The following TUSC3 variants were observed in gnomAD, a reference collection of about 807,000 sequenced individuals.
TUSC3 encodes dolichyl-diphosphooligosaccharide--protein glycosyltransferase subunit TUSC3.
In TUSC3, 45 loss-of-function variants were observed where a neutral mutation model predicts 44.8. The observed-to-expected ratio is 1.00, with a 90% confidence interval of 0.79 to 1.29. The LOEUF (loss-of-function observed/expected upper bound fraction) is 1.29, where lower values mean the gene tolerates loss of function less well. Among genes scored for constraint, TUSC3 ranks in the 50% most tolerant of loss-of-function variants. The probability of loss-of-function intolerance (pLI) is 0.00; values close to 1 mark genes in which losing one functional copy is unlikely to be tolerated. For missense variants in TUSC3, 519 were observed against 437.9 expected (o/e 1.19, Z -1.65); for synonymous variants, 212 against 152.9 (o/e 1.39, Z -2.85).
the TUSC3 span, among the ~76,000 whole-genome samples, chr8:15,830,263 C>T: frequency 3.3e-5 from 5 of 151,962 alleles, no homozygotes; most frequent in African/African-American, 1.2e-4. Flanking sequence ...TTCTGTTGAT[C>T]ATTTCTTTGC....
intron 1 of TUSC3, among the ~76,000 whole-genome samples, chr8:15,482,224 C>G (rs1240104084): frequency 4.6e-5 from 7 of 152,178 alleles, no homozygotes; most frequent in African/African-American, 1.4e-4. Context: ...CTTGCTATTT[C>G]CACCACAATT....
chr8:15,690,659 C>T (rs1288043815), intron 6 of TUSC3, among the ~76,000 whole-genome samples: 1 of 152,080 alleles, frequency 6.6e-6, no homozygotes, highest in East Asian at 1.9e-4. Flanking sequence ...TTTCATCCAT[C>T]TTGAGTTGAT....
chr8:15,796,451 T>G, the TUSC3 span, among the ~76,000 whole-genome samples: 3 of 152,258 alleles, frequency 2.0e-5, no homozygotes, highest in East Asian at 5.8e-4. Context: ...GTAACAAAGT[T>G]CACCAAGGAC....
chr8:15,474,763 T>C lies in TUSC3; in HGVS notation n.92-8623T>C, dbSNP rs1384559773. ...GAATACATTACAAAAATAAGTGAAA[T>C]AGCCAGGAAATATTGAAAGTTTAGA... is the stretch of plus-strand genomic sequence containing the variant. On this transcript the variant is annotated intron_variant and non_coding_transcript_variant, in intron 1 of 5. Transcript: ENST00000503191. Among the ~76,000 whole-genome samples the C allele has an allele frequency of 2.0e-5, 3 of 152,120 alleles. No individual in the cohort carries two copies. In the East Asian group the frequency reaches 5.8e-4, roughly 29 times the overall value.
chr8:15,540,176 C>G (rs1585082105), upstream of TUSC3: 7 of 452,012 alleles, frequency 1.5e-5, no homozygotes, highest in Non-Finnish European at 2.6e-5. Flanking sequence ...CGCCGCGCCC[C>G]CGAAGCCTGG....
intron 6 of TUSC3, among the ~76,000 whole-genome samples, chr8:15,689,840 G>T (rs1474015928): frequency 3.2e-5 from 2 of 61,786 alleles, no homozygotes; most frequent in Non-Finnish European, 6.4e-5. Flanking sequence ...GTGTGTGTGT[G>T]TGTGTGTGTG....
intron 6 of TUSC3, among the ~76,000 whole-genome samples, chr8:15,679,672 C>T (rs919959665): frequency 1.3e-5 from 2 of 152,028 alleles, no homozygotes; most frequent in Admixed American, 1.3e-4. Flanking sequence ...TTTGCCTATG[C>T]CAGTGTCCAA....
downstream of TUSC3, among the ~76,000 whole-genome samples, chr8:15,770,837 A>G (rs1267939949): frequency 1.3e-5 from 2 of 152,162 alleles, no homozygotes; most frequent in Non-Finnish European, 2.9e-5. Context: ...AGAGGAAAGG[A>G]CAGAAAAGAG....
chr8:15,531,317 A>T (rs903586655), intron 2 of TUSC3, among the ~76,000 whole-genome samples: 1 of 152,110 alleles, frequency 6.6e-6, no homozygotes, highest in Non-Finnish European at 1.5e-5. Flanking sequence ...CTGGAGTACA[A>T]TGGTGGTCAT....
At chr8:15,653,177 G>T (rs1327940342) in intron 3 of TUSC3, among the ~76,000 whole-genome samples, 1 of 152,148 alleles carries the variant, frequency 6.6e-6, no homozygotes, top group East Asian at 1.9e-4. Flanking sequence ...TGTTGAGGAA[G>T]CAGTATGGTG....
At chr8:15,685,347 C>T (rs62502119) in intron 6 of TUSC3, among the ~76,000 whole-genome samples, 1,772 of 152,194 alleles carry the variant, frequency 0.012, 12 homozygotes, top group Middle Eastern at 0.02. Flanking sequence ...GGCTTCCTCC[C>T]TCTTTAATCA....
intron 5 of TUSC3, among the ~76,000 whole-genome samples, chr8:15,663,318 A>G (rs986572663): frequency 1.3e-5 from 2 of 151,922 alleles, no homozygotes; most frequent in Middle Eastern, 3.4e-3. Context: ...AAATGTTATT[A>G]TATTAAAGAT....
chr8:15,531,236 T>A (rs1294894237), intron 2 of TUSC3, among the ~76,000 whole-genome samples: 1 of 152,172 alleles, frequency 6.6e-6, no homozygotes. Context: ...TGTACTTTCC[T>A]TTGCTTTCAT....
intron 6 of TUSC3, among the ~76,000 whole-genome samples, chr8:15,721,986 A>G (rs989779165): frequency 5.9e-5 from 9 of 151,992 alleles, no homozygotes; most frequent in Non-Finnish European, 1.0e-4. Flanking sequence ...TATTTGGAAA[A>G]TATAGTAGAA....
chr8:15,631,907 G>A (rs1377572432), intron 2 of TUSC3, among the ~76,000 whole-genome samples: 2 of 151,864 alleles, frequency 1.3e-5, no homozygotes, highest in Non-Finnish European at 2.9e-5. Flanking sequence ...TGGGGTTTCA[G>A]CGTGTTGGCC....
intron 8 of TUSC3, 53 bp from the exon 9 acceptor site, chr8:15,748,322 G>T: frequency 7.8e-7 from 1 of 1,283,958 alleles, no homozygotes. Flanking sequence ...TAAACAATTG[G>T]GGTTTCATTT....
chr8:15,774,071 C>CATTAAAAGCACT, the TUSC3 span, among the ~76,000 whole-genome samples: 1 of 152,044 alleles, frequency 6.6e-6, no homozygotes, highest in East Asian at 1.9e-4. Context: ...AACTTTTGTG[C>CATTAAAAGCACT]ATTAAAAGCA....
At chr8:15,520,947 GCA>G (rs1801288989) in intron 2 of TUSC3, among the ~76,000 whole-genome samples, 1 of 152,196 alleles carries the variant, frequency 6.6e-6, no homozygotes, top group African/African-American at 2.4e-5. Flanking sequence ...TAAAGGCTAT[GCA>G]CAGTTATTTT....
intron 2 of TUSC3, among the ~76,000 whole-genome samples, chr8:15,632,152 C>T (rs1468062788): frequency 6.6e-6 from 1 of 152,196 alleles, no homozygotes; most frequent in Non-Finnish European, 1.5e-5. Flanking sequence ...CACCCCCATG[C>T]CATGTGAGAT....
Sources: allele counts gnomAD v4.1 joint callset (sites outside exome capture counted in the v4.1 genomes callset), GRCh38; gene constraint gnomAD v4.1.1; transcripts MANE v1.5; gene names NCBI Gene and HGNC (gene_info 2026-07-23, HGNC 2026-07-21).